Variants in ACOXL observed in about 807,000 individuals in gnomAD.
ACOXL encodes acyl-coenzyme A oxidase-like protein.
Under a neutral mutation model 71.9 loss-of-function variants are expected in ACOXL, and 70 were observed. That is an observed-to-expected ratio of 0.97 (90% CI 0.80 to 1.19). ACOXL has a LOEUF of 1.19. Ranked by LOEUF, ACOXL falls within the 50% of genes most tolerant of loss-of-function variation. The probability of loss-of-function intolerance (pLI) is 0.00; values close to 1 mark genes in which losing one functional copy is unlikely to be tolerated. For synonymous variants in ACOXL, 253 were observed against 281.6 expected, an observed-to-expected ratio of 0.90 and a Z score of 1.02; for missense variants, 703 against 736.3, an observed-to-expected ratio of 0.95 and a Z score of 0.52.
At chr2:110,811,904 G>A (rs1341004362) in intron 9 of ACOXL, among the ~76,000 whole-genome samples, 1 of 152,154 alleles carries the variant, frequency 6.6e-6, no homozygotes, top group Non-Finnish European at 1.5e-5. Context: ...GTTTCCTGGT[G>A]TGGAGACTTC....
At chr2:111,115,760 A>T (rs965956737) in intron 17 of ACOXL, among the ~76,000 whole-genome samples, 15 of 152,242 alleles carry the variant, frequency 9.9e-5, no homozygotes, top group African/African-American at 3.1e-4. Context: ...TTTAGAAAGA[A>T]TCTTGGCAGT....
In ACOXL at chr2:110,963,595, GTGTGT is replaced by G. The variant is rs763173927; in HGVS notation, c.1060-23512_1060-23508del. On this transcript the variant is annotated intron_variant, in intron 12 of 17. Transcript: ENST00000439055. ...TGTGTGTGTGTGTGTGTGTGTGTGT[GTGTGT>G]GTGTTTTTCTCTTTCTGCAACAGGG... 1,148 of 1,277,624 alleles carry G rather than the reference GTGTGT, an allele frequency of 9.0e-4. 5 individuals are homozygous for G. The African/African-American group carries it at 0.028, about 31-fold the overall frequency. The allele number at this position is 1,277,624 out of a possible 1,614,324, so 79.1% of individuals were successfully genotyped here.
chr2:110,846,490 T>A (rs1691849221), intron 10 of ACOXL, among the ~76,000 whole-genome samples: 1 of 152,154 alleles, frequency 6.6e-6, no homozygotes, highest in South Asian at 2.1e-4. Flanking sequence ...GGCTCTTGTG[T>A]GGCAACAGAG....
intron 14 of ACOXL, among the ~76,000 whole-genome samples, chr2:111,009,513 CAAAA>C (rs35134750): frequency 1.7e-5 from 2 of 114,984 alleles, no homozygotes; most frequent in African/African-American, 3.0e-5. Context: ...GACTCCGTCT[CAAAA>C]AAAAAAAAAA....
chr2:110,827,963 T>C (rs1689357066), intron 9 of ACOXL, among the ~76,000 whole-genome samples: 2 of 152,248 alleles, frequency 1.3e-5, no homozygotes, highest in East Asian at 1.9e-4. Flanking sequence ...TATTGACTTA[T>C]TATTCTCCTA....
chr2:110,887,411 G>A (rs1023949069), intron 10 of ACOXL: 2 of 152,414 alleles, frequency 1.3e-5, no homozygotes, highest in African/African-American at 4.8e-5. Flanking sequence ...CCAATTACTA[G>A]AGGCCATTCC....
At chr2:110,963,689 A>T in intron 12 of ACOXL, 1 of 1,613,872 alleles carries the variant, frequency 6.2e-7, no homozygotes, top group Non-Finnish European at 8.5e-7. Context: ...CCACTTTTGA[A>T]GGTGACGATG....
intron 2 of ACOXL, among the ~76,000 whole-genome samples, chr2:110,781,949 G>A (rs1412849322): frequency 1.3e-5 from 2 of 152,156 alleles, no homozygotes; most frequent in Non-Finnish European, 2.9e-5. Context: ...TACATCAAGT[G>A]CTCTACAAAG....
intron 7 of ACOXL, among the ~76,000 whole-genome samples, chr2:110,800,661 G>C (rs1165358422): frequency 2.0e-5 from 3 of 152,136 alleles, no homozygotes; most frequent in Non-Finnish European, 4.4e-5. Context: ...AGAAGGAAGA[G>C]AAGAGGGAAG....
chr2:111,091,891 A>C (rs1307363007), intron 16 of ACOXL, among the ~76,000 whole-genome samples: 2 of 152,136 alleles, frequency 1.3e-5, no homozygotes, highest in African/African-American at 4.8e-5. Flanking sequence ...CAGGGTCTGC[A>C]TGACTGTGAA....
chr2:110,763,748 A>C (rs1432460245), intron 1 of ACOXL, among the ~76,000 whole-genome samples: 1 of 152,250 alleles, frequency 6.6e-6, no homozygotes, highest in Non-Finnish European at 1.5e-5. Context: ...ATGAAAAGGC[A>C]AGCCATGGAT....
In ACOXL at chr2:110,995,900, G is replaced by A. The variant is rs1574425735; in HGVS notation, c.1177G>A (p.Ala393Thr). The A allele has an allele frequency of 6.2e-7, 1 of 1,613,172 alleles. No homozygotes were observed. Among genetic ancestry groups the A allele is most frequent in the Non-Finnish European group, 8.5e-7 (1 of 1,179,266 alleles). ...ACCGTGATTTTCTTTCAGTTTCCTG[G>A]CATTTAACATGGACACAGTTGATGA... ...VGDKLRTSFLAFNMDTVDDLA... is the reference protein window; with the variant it reads ...VGDKLRTSFLTFNMDTVDDLA... The change falls in exon 14 of 18, where the codon GCA becomes ACA. Residue 393 changes from alanine (A) to threonine (T), a missense_variant. Physicochemically the swap from Ala to Thr is moderately conservative, Grantham distance 58. Coordinates refer to ENST00000439055, the MANE Select transcript of ACOXL (RefSeq NM_001142807.4).
At chr2:110,988,258 T>C (rs1261337531) in intron 13 of ACOXL, among the ~76,000 whole-genome samples, 1 of 152,170 alleles carries the variant, frequency 6.6e-6, no homozygotes, top group East Asian at 1.9e-4. Flanking sequence ...GGCAATATGG[T>C]GAGACCTCTG....
chr2:110,966,498 A>G (rs1008869276), intron 12 of ACOXL, among the ~76,000 whole-genome samples: 2 of 152,294 alleles, frequency 1.3e-5, no homozygotes, highest in Admixed American at 1.3e-4. Context: ...TACCCACAAG[A>G]TGACAAGAAA....
At chr2:110,887,543 C>G (rs1282878789) in intron 10 of ACOXL, 1 of 152,340 alleles carries the variant, frequency 6.6e-6, no homozygotes, top group Non-Finnish European at 1.5e-5. Flanking sequence ...CAGCCTTGAA[C>G]TCCTGAGCTC....
intron 7 of ACOXL, among the ~76,000 whole-genome samples, chr2:110,801,219 C>T (rs899536791): frequency 6.6e-6 from 1 of 152,148 alleles, no homozygotes; most frequent in Non-Finnish European, 1.5e-5. Flanking sequence ...TGTGTGCAGA[C>T]GAGAGAGCAC....
intron 13 of ACOXL, among the ~76,000 whole-genome samples, chr2:110,994,706 T>G (rs893395528): frequency 6.6e-6 from 1 of 152,188 alleles, no homozygotes; most frequent in Admixed American, 6.5e-5. Flanking sequence ...CTTACCTCTC[T>G]TAACTCCTCT....
chr2:110,769,748 T>C (rs1681635166), intron 2 of ACOXL, among the ~76,000 whole-genome samples: 1 of 152,076 alleles, frequency 6.6e-6, no homozygotes, highest in Non-Finnish European at 1.5e-5. Flanking sequence ...GGCACGAGAA[T>C]CCCTTGAACC....
At chr2:110,818,423 A>ATGTGTGTGTGTGTGTGTG (rs766770172) in intron 9 of ACOXL, among the ~76,000 whole-genome samples, 1 of 137,694 alleles carries the variant, frequency 7.3e-6, no homozygotes, top group African/African-American at 2.8e-5. Context: ...ATATATATAT[A>ATGTGTGTGTGTGTGTGTG]TGTGTGTGTG....
Sources: gnomAD v4.1 joint callset for allele counts (sites outside exome capture counted in the v4.1 genomes callset) on GRCh38, gnomAD v4.1.1 for gene constraint, MANE v1.5 for transcripts, NCBI Gene and HGNC (gene_info 2026-07-23, HGNC 2026-07-21) for gene names.